Variants in SHANK1 observed in about 807,000 individuals in gnomAD.
The protein encoded by SHANK1 is SH3 and multiple ankyrin repeat domains 1.
A neutral mutation model predicts 165.6 loss-of-function variants in SHANK1; 35 were observed. The observed-to-expected ratio is 0.21, with a 90% CI of 0.16 to 0.28. The LOEUF (loss-of-function observed/expected upper bound fraction) is 0.28. Ranked by LOEUF, SHANK1 falls within the 10% of genes least tolerant of loss-of-function variation. The pLI, the probability that SHANK1 is intolerant of heterozygous loss-of-function variation, is 1.00. For synonymous variants in SHANK1, 1,428 were observed against 1,384.8 expected, an observed-to-expected ratio of 1.03 and a Z score of -0.69; for missense variants, 2,681 against 3,036.4, an observed-to-expected ratio of 0.88 and a Z score of 2.75.
chr19:50,710,672 CCCTT>C (rs2052838056), intron 8 of SHANK1, among the ~76,000 whole-genome samples: 1 of 152,200 alleles, frequency 6.6e-6, no homozygotes, highest in Admixed American at 6.5e-5. Context: ...CTTCAGCACT[CCCTT>C]CCTGCTCAGG....
chr19:50,683,337 C>A (rs550372997), intron 21 of SHANK1, among the ~76,000 whole-genome samples: 7 of 152,264 alleles, frequency 4.6e-5, no homozygotes, highest in African/African-American at 1.4e-4. Context: ...TGGCTATATG[C>A]AGTAGTTGTG....
chr19:50,661,430 AG>A lies in SHANK1; in HGVS notation c.*534del, dbSNP rs750692124. On this transcript the variant is annotated 3_prime_UTR_variant, in exon 24 of 24. Transcript: ENST00000293441. Reference sequence around the variant, plus strand: ...TGCAAAATTGCAGCCCGGGGACGGGAGGGGAGAGAGGTGAGCAGGCGTGCAA... The same window carrying A: ...TGCAAAATTGCAGCCCGGGGACGGGAGGGAGAGAGGTGAGCAGGCGTGCAA... Among the ~76,000 whole-genome samples, 3 of 137,764 alleles carry A rather than the reference AG, an allele frequency of 2.2e-5. No homozygotes were observed. The highest frequency in any genetic ancestry group is 4.7e-5 in the Non-Finnish European group (3 of 64,508). 90.4% of individuals were successfully genotyped at this position (137,764 alleles called of 152,430 possible).
At chr19:50,682,631 A>G (rs1037639016) in intron 21 of SHANK1, among the ~76,000 whole-genome samples, 3 of 152,202 alleles carry the variant, frequency 2.0e-5, no homozygotes, top group Non-Finnish European at 2.9e-5. Context: ...TTAGAGACCC[A>G]GAGAGGGAAA....
intron 8 of SHANK1, among the ~76,000 whole-genome samples, chr19:50,707,325 G>T (rs918847593): frequency 1.3e-5 from 2 of 152,036 alleles, no homozygotes; most frequent in African/African-American, 4.8e-5. Context: ...CTTTTATCTT[G>T]GCCTGGCCAA....
rs374301468 is a variant in SHANK1, at chr19:50,659,572, C to T, written c.*2393G>A. On this transcript the variant is annotated 3_prime_UTR_variant, in exon 24 of 24. Coordinates refer to ENST00000293441, the MANE Select transcript of SHANK1 (RefSeq NM_016148.5). ...CCCCTCCTCTTCCCCTCCCACCCCC[C>T]CTTGGAAGACAATTCTCGGGCTTTT... 6.7e-6 allele frequency among the ~76,000 whole-genome samples: 1 copy of T among 149,600 alleles called. No individual in the cohort carries two copies. Among genetic ancestry groups the T allele is most frequent in the South Asian group, 2.2e-4 (1 of 4,628 alleles).
intron 15 of SHANK1, among the ~76,000 whole-genome samples, chr19:50,689,800 G>A (rs1986485760): frequency 6.6e-6 from 1 of 152,102 alleles, no homozygotes; most frequent in Non-Finnish European, 1.5e-5. Flanking sequence ...TGATCTGCTC[G>A]ATGTCCTTAG....
Position 50,668,909 on chromosome 19 carries a change from G to A in SHANK1, c.3051C>T (p.His1017=), listed in dbSNP as rs1985681573. Reference sequence around the variant, plus strand: ...TCTCGGGAGGATGAGGGGGGTGGGCGTGGTGGTGGTGGGGCTGAGGGGGCG... The same window carrying A: ...TCTCGGGAGGATGAGGGGGGTGGGCATGGTGGTGGTGGGGCTGAGGGGGCG... ...HAPPPQPHHH[H]AHPPHPPEME... is the part of the protein sequence containing the mutation. Residue 1017 remains histidine (H), a synonymous_variant, in exon 23 of 24, where the codon CAC becomes CAT. Transcript: ENST00000293441. 3 of 1,181,462 alleles carry A rather than the reference G, an allele frequency of 2.5e-6. No individual in the cohort carries two copies. The highest frequency in any genetic ancestry group is 3.3e-6 in the Non-Finnish European group (3 of 916,236). The allele number at this position is 1,181,462 out of a possible 1,614,324, so 73.2% of individuals were successfully genotyped here.
In SHANK1 at chr19:50,697,580, G is replaced by GT. The variant is rs1339678949; in HGVS notation, c.1937+8_1937+9insA. On this transcript the variant is annotated intron_variant, in intron 14 of 23. Transcript: ENST00000293441. The surrounding 1 kb of genome is among the most constrained non-coding windows in gnomAD (Gnocchi z 4.7). The stretch of plus-strand genomic sequence containing the variant: ...GAGGGGGGTTGCCCGAGGGTGTAAG[G>GT]ACATTTACCTTGGGGCATCAAAGCT... 3.7e-6 allele frequency: 6 copies of GT among 1,610,710 alleles called. No individual in the cohort carries two copies. In the African/African-American group the frequency reaches 8.0e-5, roughly 22 times the overall value.
At chr19:50,704,602 C>T in intron 8 of SHANK1, 88 bp from the exon 9 acceptor site, 1 of 1,207,220 alleles carries the variant, frequency 8.3e-7, no homozygotes, top group East Asian at 2.3e-5. Context: ...TGCTAAGAGC[C>T]TCAGGAATAA....
At position 50,703,485 on chromosome 19, in the gene SHANK1, G is replaced by T; in HGVS notation, c.1553+15C>A. 1 of 1,531,302 alleles carries T rather than the reference G, an allele frequency of 6.5e-7. No individual in the cohort carries two copies. Among genetic ancestry groups the T allele is most frequent in the Non-Finnish European group, 8.7e-7 (1 of 1,143,262 alleles). The allele number at this position is 1,531,302 out of a possible 1,614,324, so 94.9% of individuals were successfully genotyped here. On this transcript the variant is annotated intron_variant, in intron 11 of 23. Transcript: ENST00000293441. ...ACGGGGCTGGGGACTGTGGAGCCAG[G>T]GCTGCCTCCCCTACCTGGGCCGGCC... is the stretch of plus-strand genomic sequence containing the variant.
Position 50,660,922 on chromosome 19 carries a change from A to T in SHANK1, c.*1043T>A, listed in dbSNP as rs549577309. The stretch of plus-strand genomic sequence containing the variant: ...GCGTGACCAAAAGTGACGGTGCAAA[A>T]GGGGCAAGAGGGAAGGCGGGGGGTG... On this transcript the variant is annotated 3_prime_UTR_variant, in exon 24 of 24. Transcript: ENST00000293441. Among the ~76,000 whole-genome samples the T allele has an allele frequency of 1.1e-5, 1 of 89,718 alleles. No homozygotes were observed. Among genetic ancestry groups the T allele is most frequent in the South Asian group, 3.9e-4 (1 of 2,586 alleles). 58.9% of individuals were successfully genotyped at this position (89,718 alleles called of 152,430 possible).
intron 8 of SHANK1, among the ~76,000 whole-genome samples, chr19:50,710,242 C>A (rs1181382321): frequency 6.6e-6 from 1 of 152,214 alleles, no homozygotes; most frequent in Non-Finnish European, 1.5e-5. Flanking sequence ...GTTTGACAAA[C>A]ACTGAGTCTT....
At chr19:50,680,719 G>A (rs111940724) in intron 21 of SHANK1, among the ~76,000 whole-genome samples, 84,753 of 150,320 alleles carry the variant, frequency 0.56, 24,784 homozygotes, top group African/African-American at 0.7. Flanking sequence ...GCAGTGGCGC[G>A]ATCTTGGCTC....
In SHANK1 at chr19:50,668,979, G is replaced by A; in HGVS notation, c.2981C>T (p.Pro994Leu). 1 of 665,312 alleles carries A rather than the reference G, an allele frequency of 1.5e-6. No individual in the cohort carries two copies. The highest frequency in any genetic ancestry group is 2.4e-6 in the Non-Finnish European group (1 of 417,964). The allele number at this position is 665,312 out of a possible 1,614,324, so 41.2% of individuals were successfully genotyped here. ...GTGGGGCGGGTGGTGGTGGGCCGGG[G>A]GCAGGGGCCCACTGTGGTACAGGCT... Reference protein sequence around the residue: ...EKSLYHSGPLPPAHHHPPHHH... With the variant: ...EKSLYHSGPLLPAHHHPPHHH... The change falls in exon 23 of 24, where the codon CCC becomes CTC. Residue 994 changes from proline to leucine, a missense_variant. Transcript: ENST00000293441.
chr19:50,669,095 G>C lies in SHANK1; in HGVS notation c.2865C>G (p.Asn955Lys), dbSNP rs905381622. The change falls in exon 23 of 24, where the codon AAC (asparagine) becomes AAG (lysine). Residue 955 changes from asparagine (N) to lysine (K), a missense_variant. By Grantham distance (94) the Asn-to-Lys change is moderately conservative. This residue lies in a region of SHANK1 where 1,713 missense variants were observed against 1,630.2 expected (regional missense o/e 1.05). Coordinates refer to ENST00000293441, the MANE Select transcript of SHANK1 (RefSeq NM_016148.5). ...CGGGGAGGGGGCCACCAGAGCCAGG[G>C]TTGAAGGGCCCTCCCCGAGGGGAGG... is the stretch of plus-strand genomic sequence containing the variant. Reference protein sequence around the residue: ...LTPSPRGGPFNPGSGGPLPAS... With the variant: ...LTPSPRGGPFKPGSGGPLPAS... 1 of 1,432,758 alleles carries C rather than the reference G, an allele frequency of 7.0e-7. No individual in the cohort carries two copies. The highest frequency in any genetic ancestry group is 1.4e-5 in the South Asian group (1 of 72,794). 88.8% of individuals were successfully genotyped at this position (1,432,758 alleles called of 1,614,324 possible).
chr19:50,667,725 G>A lies in SHANK1; in HGVS notation c.4235C>T (p.Pro1412Leu), dbSNP rs770756587. 4.5e-6 allele frequency: 6 copies of A among 1,335,166 alleles called. No homozygotes were observed. In the African/African-American group the frequency reaches 9.3e-5, roughly 21 times the overall value. 82.7% of individuals were successfully genotyped at this position (1,335,166 alleles called of 1,614,324 possible). Reference protein sequence around the residue: ...EPVLRLWGASPPDPARRELGY... With the variant: ...EPVLRLWGASLPDPARRELGY... ...CAGCTCCCGGCGCGCAGGGTCCGGCGGGGAGGCCCCCCAGAGACGCAGCAC... is the reference window on the plus strand; with the variant it reads ...CAGCTCCCGGCGCGCAGGGTCCGGCAGGGAGGCCCCCCAGAGACGCAGCAC... The change falls in exon 23 of 24, where the codon CCG becomes CTG. Residue 1412 changes from proline to leucine, a missense_variant. Around this residue, in one of 10 missense-constraint regions of SHANK1, gnomAD observed 1,713 missense variants for 1,630.2 expected, o/e 1.05. Transcript: ENST00000293441. The surrounding 1 kb of genome is among the most constrained non-coding windows in gnomAD (Gnocchi z 5.7).
intron 8 of SHANK1, among the ~76,000 whole-genome samples, chr19:50,709,845 C>G (rs759025784): frequency 1.3e-5 from 2 of 152,240 alleles, no homozygotes; most frequent in African/African-American, 2.4e-5. Context: ...GCCACCGTGC[C>G]TGGTCTAATT....
chr19:50,687,631 T>C lies in SHANK1; in HGVS notation c.2340A>G (p.Pro780=), dbSNP rs751715311. 6 of 1,527,794 alleles carry C rather than the reference T, an allele frequency of 3.9e-6. No homozygotes were observed. In the Admixed American group the frequency reaches 1.3e-4, roughly 33 times the overall value. The allele number at this position is 1,527,794 out of a possible 1,614,324, so 94.6% of individuals were successfully genotyped here. A position where few individuals can be genotyped will look rare whatever the true frequency, so the allele number is the denominator to read the frequency against. The part of the protein sequence containing the change: ...APQQAKRLPP[P]TISLRSKSMT... ...TAGATTTGGAACGCAGGGAGATGGT[T>C]GGGGGCGGCAGCCGCTTGGCCTGCT... The change falls in exon 19 of 24, where the codon CCA becomes CCG. Residue 780 remains proline, a synonymous_variant. Transcript: ENST00000293441.
At chr19:50,677,129 T>C (rs1021415921) in intron 21 of SHANK1, among the ~76,000 whole-genome samples, 12 of 137,672 alleles carry the variant, frequency 8.7e-5, no homozygotes, top group African/African-American at 3.2e-4. Context: ...ATCTCATACT[T>C]TTTTTTTTTT....
Sources: allele counts gnomAD v4.1 joint callset (sites outside exome capture counted in the v4.1 genomes callset), GRCh38; gene constraint gnomAD v4.1.1; regional missense constraint gnomAD v4.1.1; non-coding constraint Gnocchi (gnomAD v3.1); transcripts MANE v1.5; gene names NCBI Gene and HGNC (gene_info 2026-07-23, HGNC 2026-07-21).